RUFY1: variants seen among roughly 807,000 people sequenced by gnomAD.
The protein encoded by RUFY1 is RUN and FYVE domain containing 1.
RUFY1 carries 54 observed loss-of-function variants against 94.6 expected under a neutral mutation model. The observed-to-expected ratio is 0.57, with a 90% CI of 0.46 to 0.72. RUFY1 has a LOEUF of 0.72. Among genes scored for constraint, RUFY1 ranks in the 30% least tolerant of loss-of-function variants. The pLI, the probability that RUFY1 is intolerant of heterozygous loss-of-function variation, is 0.00. For synonymous variants in RUFY1, 396 were observed against 347.3 expected (o/e 1.14, Z -1.56); for missense variants, 883 against 883.9 (o/e 1.00, Z 0.01).
chr5:179,565,626 C>A (rs1762780161), intron 3 of RUFY1, among the ~76,000 whole-genome samples: 1 of 152,126 alleles, frequency 6.6e-6, no homozygotes, highest in Non-Finnish European at 1.5e-5. Context: ...TATTCATTTA[C>A]AATATCATTT....
At chr5:179,601,680 A>G (rs978040087) in intron 14 of RUFY1, among the ~76,000 whole-genome samples, 11 of 151,648 alleles carry the variant, frequency 7.3e-5, no homozygotes, top group African/African-American at 1.2e-4. Context: ...TTAGCAGGGC[A>G]TGGTGGCGGG....
rs148944851 is a variant in RUFY1, at chr5:179,557,533, ATTGC to A, written c.311-2489_311-2486del. Among the ~76,000 whole-genome samples the A allele has an allele frequency of 2.7e-3, 416 of 152,322 alleles. 1 individual carries two copies. The highest frequency in any genetic ancestry group is 9.5e-3 in the African/African-American group (394 of 41,578). ...TCAGAATGGTTGGAGACATCTGAGT[ATTGC>A]TTATTTCATTCACCTTTGCCAATAC... On this transcript the variant is annotated intron_variant, in intron 1 of 17. Transcript: ENST00000319449.
chr5:179,562,827 T>C, intron 3 of RUFY1, 163 bp downstream of exon 3: 1 of 565,648 alleles, frequency 1.8e-6, no homozygotes, highest in Non-Finnish European at 3.2e-6. Flanking sequence ...GAGCCTCAGT[T>C]TCCTTTTCTT....
At position 179,554,966 on chromosome 5, in the gene RUFY1, C is replaced by CA. The variant is rs112803081; in HGVS notation, c.310+4099dup. Among the ~76,000 whole-genome samples, 205 of 140,734 alleles carry CA rather than the reference C, an allele frequency of 1.5e-3. 1 individual carries two copies. Among genetic ancestry groups the CA allele is most frequent in the African/African-American group, 3.6e-3 (137 of 38,390 alleles). 92.3% of individuals were successfully genotyped at this position (140,734 alleles called of 152,430 possible). ...CTGGGTGACGAGCAAAATTCTGTCT[C>CA]AAAAAAAAAAAAGGACAAATACTAA... On this transcript the variant is annotated intron_variant, in intron 1 of 17. Coordinates refer to ENST00000319449, the MANE Select transcript of RUFY1 (RefSeq NM_025158.5).
At chr5:179,585,129 TCAAAA>T (rs1329330998) in intron 7 of RUFY1, among the ~76,000 whole-genome samples, 1 of 152,146 alleles carries the variant, frequency 6.6e-6, no homozygotes, top group Non-Finnish European at 1.5e-5. Flanking sequence ...AGACTCTGTC[TCAAAA>T]CAAACAAACA....
At chr5:179,576,987 T>G (rs1763661324) in intron 5 of RUFY1, 88 bp from the exon 6 acceptor site, 1 of 925,346 alleles carries the variant, frequency 1.1e-6, no homozygotes, top group Admixed American at 1.9e-5. Flanking sequence ...AGGAAAGAGA[T>G]AAGAATGAAA....
At chr5:179,593,700 TTG>T in intron 11 of RUFY1, 55 bp downstream of exon 11, 1 of 1,580,658 alleles carries the variant, frequency 6.3e-7, no homozygotes, top group Non-Finnish European at 8.6e-7. Context: ...CTCGCCAGTC[TTG>T]TGTCATTCTT....
Position 179,554,603 on chromosome 5 carries a change from G to A in RUFY1, c.310+3724G>A, listed in dbSNP as rs547842747. Among the ~76,000 whole-genome samples the A allele has an allele frequency of 5.9e-5, 9 of 152,054 alleles. No individual in the cohort carries two copies. In the South Asian group the frequency reaches 1.9e-3, roughly 32 times the overall value. On this transcript the variant is annotated intron_variant, in intron 1 of 17. Transcript: ENST00000319449. ...GTATGTGATTGTATTGTCCATAGGT[G>A]TCCTGTTTGGTTTTGGGGGATTTTT...
At chr5:179,591,836 TCATA>T in intron 10 of RUFY1, 95 bp downstream of exon 10, 1 of 738,082 alleles carries the variant, frequency 1.4e-6, no homozygotes, top group Non-Finnish European at 2.2e-6. Context: ...ATCCTGATGG[TCATA>T]GAAAGTCAGA....
At chr5:179,571,254 G>A (rs1036866750) in intron 5 of RUFY1, among the ~76,000 whole-genome samples, 6 of 152,114 alleles carry the variant, frequency 3.9e-5, no homozygotes, top group Non-Finnish European at 8.8e-5. Flanking sequence ...CCAACACTTT[G>A]GGAGGCCAAG....
chr5:179,579,884 G>A (rs1763981546), intron 6 of RUFY1, among the ~76,000 whole-genome samples: 1 of 151,262 alleles, frequency 6.6e-6, no homozygotes, highest in South Asian at 2.1e-4. Context: ...GACCAGGCTG[G>A]TCTCAAACTC....
chr5:179,596,891 C>A, intron 13 of RUFY1: 1 of 555,978 alleles, frequency 1.8e-6, no homozygotes, highest in Non-Finnish European at 3.0e-6. Flanking sequence ...GTCCAGCTCG[C>A]CTCCAGAAGA....
intron 17 of RUFY1, 98 bp from the exon 18 acceptor site, chr5:179,609,278 T>A: frequency 7.9e-7 from 1 of 1,264,722 alleles, no homozygotes; most frequent in Non-Finnish European, 1.1e-6. Context: ...TAAGAACCCA[T>A]TCCCAGCAAA....
At chr5:179,578,400 G>A (rs998353760) in intron 6 of RUFY1, among the ~76,000 whole-genome samples, 2 of 150,568 alleles carry the variant, frequency 1.3e-5, no homozygotes, top group South Asian at 4.2e-4. Context: ...TTTATTTTTA[G>A]TAGAGACCGG....
rs1456683592 is a variant in RUFY1 at position 179,609,858 on chromosome 5, TCTC to T, written c.*342_*344del. The T allele has an allele frequency of 5.0e-5, 10 of 198,984 alleles. No homozygotes were observed. The highest frequency in any genetic ancestry group is 4.8e-4 in the Admixed American group (8 of 16,590). 12.3% of individuals were successfully genotyped at this position (198,984 alleles called of 1,614,324 possible). On this transcript the variant is annotated 3_prime_UTR_variant, in exon 18 of 18. Transcript: ENST00000319449. ...CAGTTCTGCTAGTGAGTAGTTTTCC[TCTC>T]CTACCTTCCTTCTAAAAACCTGATT...
intron 15 of RUFY1, among the ~76,000 whole-genome samples, chr5:179,604,318 T>C (rs1448244169): frequency 6.6e-6 from 1 of 152,186 alleles, no homozygotes; most frequent in Non-Finnish European, 1.5e-5. Context: ...AGGCCCTACA[T>C]TAGCTACAGG....
intron 15 of RUFY1, 192 bp downstream of exon 15, chr5:179,602,178 G>A (rs1290016172): frequency 1.7e-6 from 1 of 576,082 alleles, no homozygotes; most frequent in Non-Finnish European, 3.1e-6. Context: ...CTACCCACAT[G>A]GGGTGTCAGC....
At chr5:179,573,861 C>T (rs1475698571) in intron 5 of RUFY1, among the ~76,000 whole-genome samples, 2 of 152,008 alleles carry the variant, frequency 1.3e-5, no homozygotes, top group Non-Finnish European at 2.9e-5. Flanking sequence ...TGAATGTTGT[C>T]AGATACTTTT....
intron 17 of RUFY1, chr5:179,608,674 T>C (rs914112974): frequency 2.0e-6 from 2 of 979,388 alleles, no homozygotes; most frequent in East Asian, 2.3e-4. Context: ...ATGACTGTAA[T>C]CCTAGCACTT....
Sources: gnomAD v4.1 joint callset for allele counts (sites outside exome capture counted in the v4.1 genomes callset) on GRCh38, gnomAD v4.1.1 for gene constraint, MANE v1.5 for transcripts, NCBI Gene and HGNC (gene_info 2026-07-23, HGNC 2026-07-21) for gene names.